LRP1B: variants seen among roughly 807,000 people sequenced by gnomAD.
LRP1B encodes the protein LDL receptor related protein 1B.
LRP1B carries 217 observed loss-of-function variants against 556.6 expected under a neutral mutation model. The ratio of observed to expected loss-of-function variants is 0.39; its 90% CI spans 0.35 to 0.44. The LOEUF (loss-of-function observed/expected upper bound fraction) is 0.44, where lower values mean the gene tolerates loss of function less well. Ranked by LOEUF, LRP1B falls within the 20% of genes least tolerant of loss-of-function variation. The pLI is 1.00. For missense variants in LRP1B, 5,053 were observed against 5,620.8 expected (o/e 0.90, Z 3.23); for synonymous variants, 2,047 against 1,865.8 (o/e 1.10, Z -2.50).
chr2:140,875,629 T>A (rs565112457), intron 25 of LRP1B, among the ~76,000 whole-genome samples: 2 of 152,174 alleles, frequency 1.3e-5, no homozygotes, highest in African/African-American at 2.4e-5. Context: ...TTGACACTTT[T>A]AAAAATCAAA....
intron 35 of LRP1B, among the ~76,000 whole-genome samples, chr2:140,742,881 G>A (rs928714186): frequency 3.3e-5 from 5 of 151,924 alleles, no homozygotes; most frequent in African/African-American, 7.3e-5. Flanking sequence ...GACATAATAC[G>A]TAACAATTGG....
At chr2:141,757,831 C>G (rs1694378091) in intron 2 of LRP1B, among the ~76,000 whole-genome samples, 1 of 152,150 alleles carries the variant, frequency 6.6e-6, no homozygotes, top group African/African-American at 2.4e-5. Context: ...GCCACTACAC[C>G]TAGCCTCTTT....
At chr2:142,014,797 T>C (rs1291972037) in intron 1 of LRP1B, among the ~76,000 whole-genome samples, 1 of 151,296 alleles carries the variant, frequency 6.6e-6, no homozygotes, top group African/African-American at 2.4e-5. Context: ...GCAGAGAAAA[T>C]ACATGGTGAG....
intron 2 of LRP1B, among the ~76,000 whole-genome samples, chr2:141,737,191 A>C (rs556396611): frequency 6.6e-6 from 1 of 152,148 alleles, no homozygotes; most frequent in Non-Finnish European, 1.5e-5. Context: ...GTCTCTACTA[A>C]AAACACAAAA....
intron 1 of LRP1B, among the ~76,000 whole-genome samples, chr2:141,967,626 A>G (rs545938933): frequency 9.3e-4 from 142 of 151,960 alleles, no homozygotes; most frequent in African/African-American, 3.3e-3. Flanking sequence ...TATTTAAACT[A>G]TTGGTAGGAG....
chr2:140,324,005 T>C lies in LRP1B; in HGVS notation c.12402A>G (p.Lys4134=). The part of the protein sequence containing the change: ...FEDYIYGAGP[K]NGVFRVQKFG... ...ATTTTTGAACTCGAAATACACCATT[T>C]TTAGGTCCTGCTCCATATATATAAT... The change falls in exon 81 of 91, where the codon AAA becomes AAG. Residue 4134 remains lysine (K), a synonymous_variant. Coordinates refer to ENST00000389484, the MANE Select transcript of LRP1B (RefSeq NM_018557.3). 3.7e-6 allele frequency: 6 copies of C among 1,610,072 alleles called. No individual in the cohort carries two copies. Among genetic ancestry groups the C allele is most frequent in the Non-Finnish European group, 5.1e-6 (6 of 1,176,842 alleles).
At chr2:140,757,222 A>C (rs2104907567) in intron 35 of LRP1B, among the ~76,000 whole-genome samples, 1 of 152,324 alleles carries the variant, frequency 6.6e-6, no homozygotes, top group South Asian at 2.1e-4. Context: ...TATTTCAACC[A>C]GTTTGGAAAA....
intron 3 of LRP1B, among the ~76,000 whole-genome samples, chr2:141,285,930 A>G (rs887575585): frequency 1.4e-4 from 20 of 147,798 alleles, no homozygotes; most frequent in Admixed American, 3.3e-4. Flanking sequence ...AGCCGGGCGT[A>G]GTGGCGGGCG....
intron 60 of LRP1B, 95 bp downstream of exon 60, chr2:140,475,043 T>A (rs552143935): frequency 2.0e-6 from 1 of 487,908 alleles, no homozygotes; most frequent in East Asian, 4.4e-5. Context: ...ATTAAATATG[T>A]TTTATGAGAG....
chr2:141,488,379 G>A (rs531045070), intron 2 of LRP1B, among the ~76,000 whole-genome samples: 73 of 152,124 alleles, frequency 4.8e-4, no homozygotes, highest in Middle Eastern at 3.4e-3. Flanking sequence ...TCTGATTATC[G>A]CTACCTAGTT....
intron 7 of LRP1B, among the ~76,000 whole-genome samples, chr2:141,084,689 C>T (rs1045136640): frequency 8.6e-5 from 13 of 150,990 alleles, no homozygotes; most frequent in African/African-American, 1.5e-4. Flanking sequence ...TCGCTCTGTC[C>T]CCCAGACTGG....
At chr2:140,805,751 C>T (rs1250292729) in intron 32 of LRP1B, among the ~76,000 whole-genome samples, 1 of 151,974 alleles carries the variant, frequency 6.6e-6, no homozygotes, top group Non-Finnish European at 1.5e-5. Context: ...AAGGTTAAAA[C>T]TTTAATGGCA....
At chr2:141,135,836 C>T (rs978185264) in intron 7 of LRP1B, among the ~76,000 whole-genome samples, 1 of 151,840 alleles carries the variant, frequency 6.6e-6, no homozygotes, top group Non-Finnish European at 1.5e-5. Context: ...TACTTTCCCC[C>T]ACTGTCAGTT....
chr2:140,708,993 A>G (rs1686938166), intron 37 of LRP1B, among the ~76,000 whole-genome samples: 2 of 152,058 alleles, frequency 1.3e-5, no homozygotes, highest in African/African-American at 4.8e-5. Flanking sequence ...AAACTACACT[A>G]CACTGTTGTT....
intron 1 of LRP1B, among the ~76,000 whole-genome samples, chr2:142,078,836 C>T (rs1197081254): frequency 6.6e-6 from 1 of 151,446 alleles, no homozygotes; most frequent in East Asian, 2.0e-4. Context: ...AAGTAGTATA[C>T]ATGTATAGTG....
At chr2:141,736,798 C>T (rs1693484186) in intron 2 of LRP1B, among the ~76,000 whole-genome samples, 1 of 152,086 alleles carries the variant, frequency 6.6e-6, no homozygotes, top group Non-Finnish European at 1.5e-5. Flanking sequence ...CTCCCTTCTT[C>T]AAAGGGGACT....
At chr2:140,737,758 G>T (rs1486587045) in intron 35 of LRP1B, among the ~76,000 whole-genome samples, 2 of 152,174 alleles carry the variant, frequency 1.3e-5, no homozygotes, top group Non-Finnish European at 2.9e-5. Flanking sequence ...AGGAGTAGTG[G>T]TTCCTATTAC....
Position 140,485,478 on chromosome 2 carries a change from A to G in LRP1B, c.9290T>C (p.Ile3097Thr), listed in dbSNP as rs1688427473. The G allele has an allele frequency of 4.3e-6, 7 of 1,613,840 alleles. No homozygotes were observed. The highest frequency in any genetic ancestry group is 5.9e-6 in the Non-Finnish European group (7 of 1,179,844). Residue 3097 changes from isoleucine (I) to threonine (T), a missense_variant, in exon 59 of 91, where the codon ATT becomes ACT. Around this residue, in one of 5 missense-constraint regions of LRP1B, gnomAD observed 3,619 missense variants for 3,931.9 expected, o/e 0.92. Coordinates refer to ENST00000389484, the MANE Select transcript of LRP1B (RefSeq NM_018557.3). ...AVPNALAVDW[I>T]GKNLYWSDTE... is the part of the protein sequence containing the mutation. Reference sequence around the variant, plus strand: ...GTCAGACCAATAGAGGTTTTTTCCAATCCAATCGACAGCAAGTGCATTGGG... The same window carrying G: ...GTCAGACCAATAGAGGTTTTTTCCAGTCCAATCGACAGCAAGTGCATTGGG...
At chr2:140,709,465 A>G (rs1297513789) in intron 37 of LRP1B, among the ~76,000 whole-genome samples, 1 of 151,544 alleles carries the variant, frequency 6.6e-6, no homozygotes, top group Non-Finnish European at 1.5e-5. Flanking sequence ...AAGAAGAAGA[A>G]GAAGAGGAAG....
Sources: gnomAD v4.1 joint callset for allele counts (sites outside exome capture counted in the v4.1 genomes callset) on GRCh38, gnomAD v4.1.1 for gene constraint, gnomAD v4.1.1 regional missense constraint, MANE v1.5 for transcripts, NCBI Gene and HGNC (gene_info 2026-07-23, HGNC 2026-07-21) for gene names.